Variants in RANBP17 observed in about 807,000 individuals in gnomAD.
RANBP17 encodes the protein RAN binding protein 17.
A neutral mutation model predicts 141.2 loss-of-function variants in RANBP17; 158 were observed. That is an observed-to-expected ratio of 1.12 (90% confidence interval 0.98 to 1.28). The LOEUF is 1.28. Ranked by LOEUF, RANBP17 falls within the 50% of genes most tolerant of loss-of-function variation. The probability of loss-of-function intolerance (pLI) is 0.00; values close to 1 mark genes in which losing one functional copy is unlikely to be tolerated. For synonymous variants in RANBP17, 430 were observed against 450.0 expected (o/e 0.96, Z 0.56); for missense variants, 1,438 against 1,290.7 (o/e 1.11, Z -1.75).
chr5:171,029,925 G>A (rs1781451961), intron 14 of RANBP17, among the ~76,000 whole-genome samples: 1 of 151,926 alleles, frequency 6.6e-6, no homozygotes, highest in Non-Finnish European at 1.5e-5. Flanking sequence ...ATGACATTGT[G>A]TGCATTTGGT....
chr5:171,017,603 A>G (rs1337420394), intron 14 of RANBP17, among the ~76,000 whole-genome samples: 3 of 151,618 alleles, frequency 2.0e-5, no homozygotes, highest in South Asian at 2.1e-4. Flanking sequence ...ATGGGGTTGT[A>G]TGTTGTTTTC....
rs1357850367 is a variant in RANBP17 at position 171,064,498 on chromosome 5, G to GT, written c.1710+96128dup. Among the ~76,000 whole-genome samples, 57 of 151,966 alleles carry GT rather than the reference G, an allele frequency of 3.8e-4. 1 individual carries two copies. The South Asian group carries it at 0.011, about 30-fold the overall frequency. On this transcript the variant is annotated intron_variant, in intron 14 of 27. Transcript: ENST00000523189. ...TATTCAAATCTTTGCCCATTTGTTT[G>GT]TTTTTTTGTTTGTTTTCAGACAGGG...
chr5:170,916,663 A>G, intron 9 of RANBP17, 79 bp downstream of exon 9: 14 of 905,038 alleles, frequency 1.5e-5, no homozygotes, highest in Non-Finnish European at 2.1e-5. Flanking sequence ...CTCATCATGA[A>G]TTTATTATGA....
intron 14 of RANBP17, among the ~76,000 whole-genome samples, chr5:171,082,026 T>G (rs536994916): frequency 1.9e-4 from 29 of 152,308 alleles, no homozygotes; most frequent in African/African-American, 7.0e-4. Context: ...CATTTTTTCC[T>G]TCACATACTT....
chr5:171,266,040 G>C (rs1766653199), intron 25 of RANBP17, among the ~76,000 whole-genome samples, 193 bp downstream of exon 25: 1 of 152,112 alleles, frequency 6.6e-6, no homozygotes, highest in Non-Finnish European at 1.5e-5. Flanking sequence ...CCACCCTCAA[G>C]AAATACCTGG....
intron 14 of RANBP17, among the ~76,000 whole-genome samples, chr5:171,063,851 C>A (rs545993828): frequency 6.6e-6 from 1 of 152,198 alleles, no homozygotes; most frequent in African/African-American, 2.4e-5. Flanking sequence ...GTTTACCTAG[C>A]GAGCCTGGGC....
intron 14 of RANBP17, among the ~76,000 whole-genome samples, chr5:171,082,245 G>A (rs1785301023): frequency 6.6e-6 from 1 of 151,946 alleles, no homozygotes; most frequent in South Asian, 2.1e-4. Context: ...AATATATGTG[G>A]CATTGTGACT....
At chr5:171,036,102 T>C (rs574514737) in intron 14 of RANBP17, among the ~76,000 whole-genome samples, 1 of 152,206 alleles carries the variant, frequency 6.6e-6, no homozygotes, top group South Asian at 2.1e-4. Flanking sequence ...TCAAGCTATT[T>C]TATTGGCCAA....
intron 14 of RANBP17, among the ~76,000 whole-genome samples, chr5:171,127,682 G>A (rs990821275): frequency 5.3e-5 from 8 of 152,264 alleles, no homozygotes; most frequent in African/African-American, 1.9e-4. Context: ...AGTTAGAATG[G>A]TTATTATCAA....
intron 4 of RANBP17, 104 bp downstream of exon 4, chr5:170,892,657 C>T: frequency 1.3e-6 from 1 of 750,490 alleles, no homozygotes; most frequent in East Asian, 2.8e-5. Flanking sequence ...ACTACCAGTA[C>T]CATGTTAATT....
At chr5:170,890,443 TATTA>T (rs1561859350) in intron 3 of RANBP17, among the ~76,000 whole-genome samples, 1 of 152,112 alleles carries the variant, frequency 6.6e-6, no homozygotes, top group Non-Finnish European at 1.5e-5. Flanking sequence ...ACTATTTTAA[TATTA>T]ATAAAAATTA....
intron 16 of RANBP17, among the ~76,000 whole-genome samples, chr5:171,174,589 T>G (rs891152149): frequency 2.2e-4 from 34 of 152,168 alleles, no homozygotes; most frequent in Non-Finnish European, 3.5e-4. Flanking sequence ...GAAAGATAAT[T>G]GATCAGTATT....
At chr5:171,186,526 C>CTTTTCTTTTTTTTT (rs1761250196) in intron 18 of RANBP17, among the ~76,000 whole-genome samples, 1 of 41,650 alleles carries the variant, frequency 2.4e-5, no homozygotes, top group East Asian at 8.9e-4. Context: ...GTATGATTTT[C>CTTTTCTTTTTTTTT]TTTTTTTTTT....
rs530258992 is a variant in RANBP17, at chr5:170,943,796, G to C, written c.1469-9801G>C. 7.4e-4 allele frequency among the ~76,000 whole-genome samples: 113 copies of C among 152,172 alleles called. 2 individuals are homozygous for C. The South Asian group carries it at 0.022, about 30-fold the overall frequency. On this transcript the variant is annotated intron_variant, in intron 12 of 27. Transcript: ENST00000523189. ...TTTAAGGTGTACGGCATGATGTTTT[G>C]ATAAATACGTAGCGAAATGACTACT...
chr5:171,140,558 A>G (rs902092103), intron 14 of RANBP17, among the ~76,000 whole-genome samples: 3 of 152,164 alleles, frequency 2.0e-5, no homozygotes, highest in African/African-American at 7.2e-5. Context: ...CCTCACCCCA[A>G]GTCCTTTTGA....
intron 14 of RANBP17, among the ~76,000 whole-genome samples, chr5:171,150,262 G>A (rs552504029): frequency 2.4e-4 from 36 of 152,060 alleles, no homozygotes; most frequent in South Asian, 1.0e-3. Flanking sequence ...TAGGTGCAAT[G>A]TGTTAAATAT....
intron 14 of RANBP17, chr5:170,968,871 T>G: frequency 3.1e-6 from 1 of 320,406 alleles, no homozygotes; most frequent in South Asian, 2.8e-5. Flanking sequence ...AATTGAATGT[T>G]TAGCATCAGT....
chr5:170,989,144 G>A (rs990358418), intron 14 of RANBP17, among the ~76,000 whole-genome samples: 1 of 151,788 alleles, frequency 6.6e-6, no homozygotes, highest in Non-Finnish European at 1.5e-5. Context: ...AGTTGTCAGT[G>A]AGAATCTCAT....
At chr5:170,927,127 T>C (rs931581848) in intron 12 of RANBP17, among the ~76,000 whole-genome samples, 5 of 152,158 alleles carry the variant, frequency 3.3e-5, no homozygotes, top group Admixed American at 1.3e-4. Flanking sequence ...AAATTTCTCC[T>C]AGTGAAATTG....
Sources: allele counts gnomAD v4.1 joint callset (sites outside exome capture counted in the v4.1 genomes callset), GRCh38; gene constraint gnomAD v4.1.1; transcripts MANE v1.5; gene names NCBI Gene and HGNC (gene_info 2026-07-23, HGNC 2026-07-21).